The following TRPC3 variants were observed in gnomAD, a reference collection of about 807,000 sequenced individuals.
The protein encoded by TRPC3 is transient receptor potential cation channel subfamily C member 3, also known as short transient receptor potential channel 3.
Under a neutral mutation model 90.9 loss-of-function variants are expected in TRPC3, and 54 were observed. That is an observed-to-expected ratio of 0.59 (90% confidence interval 0.48 to 0.75). The LOEUF is 0.75. TRPC3 is among the 30% of genes least tolerant of loss of function. TRPC3 has a pLI of 0.00. For synonymous variants in TRPC3, 424 were observed against 450.9 expected (o/e 0.94, Z 0.75); for missense variants, 918 against 1,194.5 (o/e 0.77, Z 3.41).
At chr4:121,893,749 G>A (rs1164122785) in intron 10 of TRPC3, among the ~76,000 whole-genome samples, 1 of 152,020 alleles carries the variant, frequency 6.6e-6, no homozygotes, top group Admixed American at 6.6e-5. Flanking sequence ...TAACACAAAG[G>A]CTAATATTGT....
intron 10 of TRPC3, among the ~76,000 whole-genome samples, chr4:121,888,216 C>A (rs981693025): frequency 1.3e-5 from 2 of 152,086 alleles, no homozygotes; most frequent in Non-Finnish European, 2.9e-5. Flanking sequence ...ATATTTGAAT[C>A]TCTGTCTTTG....
intron 10 of TRPC3, among the ~76,000 whole-genome samples, chr4:121,890,756 C>A (rs571651066): frequency 6.6e-6 from 1 of 152,028 alleles, no homozygotes; most frequent in Non-Finnish European, 1.5e-5. Context: ...CTTTGGGAGG[C>A]CGAGATGGGT....
At chr4:121,949,812 G>C (rs1419915190) in intron 1 of TRPC3, among the ~76,000 whole-genome samples, 2 of 152,212 alleles carry the variant, frequency 1.3e-5, no homozygotes, top group Non-Finnish European at 2.9e-5. Context: ...CAGTGAGACA[G>C]CAAGCCTACA....
In TRPC3 at chr4:121,876,644, A is replaced by G. The variant is rs1727770235; in HGVS notation, c.*3092T>C. 6.6e-6 allele frequency among the ~76,000 whole-genome samples: 1 copy of G among 152,222 alleles called. No homozygotes were observed. Among genetic ancestry groups the G allele is most frequent in the Admixed American group, 6.5e-5 (1 of 15,284 alleles). On this transcript the variant is annotated 3_prime_UTR_variant, in exon 12 of 12. Coordinates refer to ENST00000379645, the MANE Select transcript of TRPC3 (RefSeq NM_001130698.2). ...TGTACCAAATTTGCTTTTAATAATC[A>G]CAACATATCATTTTTGTTTTTATTG...
chr4:121,902,034 A>C, intron 9 of TRPC3, among the ~76,000 whole-genome samples: 1 of 152,216 alleles, frequency 6.6e-6, no homozygotes, highest in Non-Finnish European at 1.5e-5. Flanking sequence ...TTTTTCGCCT[A>C]GTTTCAACGA....
In TRPC3 at chr4:121,904,304, G is replaced by T; in HGVS notation, c.2253+18C>A. 1 of 1,591,940 alleles carries T rather than the reference G, an allele frequency of 6.3e-7. No individual in the cohort carries two copies. Among genetic ancestry groups the T allele is most frequent in the Non-Finnish European group, 8.5e-7 (1 of 1,172,640 alleles). ...TAGGATGACAAGGATAGATACTATG[G>T]ATAGAAAACCGATTTACCTCAATTT... On this transcript the variant is annotated intron_variant, in intron 8 of 11. Transcript: ENST00000379645.
intron 6 of TRPC3, among the ~76,000 whole-genome samples, chr4:121,908,890 T>C (rs1009769329): frequency 6.6e-6 from 1 of 152,098 alleles, no homozygotes; most frequent in African/African-American, 2.4e-5. Flanking sequence ...AATTAACATT[T>C]CTTGACTATT....
At chr4:121,922,951 T>C (rs966967236) in intron 3 of TRPC3, among the ~76,000 whole-genome samples, 1 of 152,194 alleles carries the variant, frequency 6.6e-6, no homozygotes, top group East Asian at 1.9e-4. Flanking sequence ...GACTATCTTA[T>C]GAAGTAGAGA....
intron 2 of TRPC3, among the ~76,000 whole-genome samples, chr4:121,926,725 CCT>C (rs958709242): frequency 2.6e-5 from 4 of 152,116 alleles, no homozygotes; most frequent in African/African-American, 9.7e-5. Context: ...TTTTAGAGAA[CCT>C]CTCTCTCTGT....
chr4:121,885,415 A>G (rs1016145199), intron 10 of TRPC3, among the ~76,000 whole-genome samples: 2 of 152,136 alleles, frequency 1.3e-5, no homozygotes, highest in Non-Finnish European at 2.9e-5. Flanking sequence ...TTTCTTTAAC[A>G]CAGTTGAGAC....
chr4:121,909,854 A>G (rs765515884), intron 6 of TRPC3, among the ~76,000 whole-genome samples: 1 of 152,082 alleles, frequency 6.6e-6, no homozygotes, highest in African/African-American at 2.4e-5. Context: ...CAGTCTCCCA[A>G]TAGTAATTAT....
chr4:121,941,025 G>A (rs775957310), intron 1 of TRPC3, among the ~76,000 whole-genome samples: 5 of 152,174 alleles, frequency 3.3e-5, no homozygotes, highest in African/African-American at 4.8e-5. Context: ...TAGAAGATTA[G>A]AGCTCAGAGG....
rs2149161322 is a variant in TRPC3 at position 121,951,536 on chromosome 4, G to T, written c.145C>A (p.Pro49Thr). 6 of 1,412,648 alleles carry T rather than the reference G, an allele frequency of 4.2e-6. No homozygotes were observed. The South Asian group carries it at 6.2e-5, about 15-fold the overall frequency. The allele number at this position is 1,412,648 out of a possible 1,614,324, so 87.5% of individuals were successfully genotyped here. ...GWRGVNGGLE[P>T]RSAPSQREPH... is the part of the protein sequence containing the mutation. ...TCCCGCTGCGAGGGCGCCGAGCGCG[G>T]CTCCAGCCCCCCGTTGACGCCCCTC... is the stretch of plus-strand genomic sequence containing the variant. Residue 49 changes from proline (P) to threonine (T), a missense_variant, in exon 1 of 12, where the codon CCG becomes ACG. Pro to Thr is a conservative substitution (Grantham distance 38, BLOSUM62 -1). Around this residue, in one of 4 missense-constraint regions of TRPC3, gnomAD observed 609 missense variants for 725.9 expected, o/e 0.84. Transcript: ENST00000379645. The surrounding 1 kb of genome is among the most constrained non-coding windows in gnomAD (Gnocchi z 4.4).
At chr4:121,909,832 C>G (rs529402393) in intron 6 of TRPC3, among the ~76,000 whole-genome samples, 1 of 152,034 alleles carries the variant, frequency 6.6e-6, no homozygotes, top group African/African-American at 2.4e-5. Flanking sequence ...ACTATTTTTT[C>G]CCTAATTAAG....
chr4:121,951,640 AC>A lies in TRPC3; in HGVS notation c.40del (p.Val14Ter). 7.1e-7 allele frequency: 1 copy of A among 1,414,736 alleles called. No individual in the cohort carries two copies. The highest frequency in any genetic ancestry group is 9.3e-7 in the Non-Finnish European group (1 of 1,075,452). 87.6% of individuals were successfully genotyped at this position (1,414,736 alleles called of 1,614,324 possible). On this transcript the variant is annotated frameshift_variant, in exon 1 of 12. Transcript: ENST00000379645. LOFTEE classifies it high-confidence loss of function. This position sits in a 1 kb window ranked among gnomAD's most constrained non-coding sequence, Gnocchi z 4.4. ...CTCCTCCTCCGGCGCCGGGAAGGTC[AC>A]CCTTGCTTGTTCTTTGCACTTCCTG... Reference protein sequence around the residue: ...KVRKCKEQARVTFPAPEEEED... With the variant: ...KVRKCKEQARXTFPAPEEEED...
At chr4:121,898,341 G>A (rs1240718490) in intron 10 of TRPC3, among the ~76,000 whole-genome samples, 5 of 152,190 alleles carry the variant, frequency 3.3e-5, no homozygotes, top group Admixed American at 2.0e-4. Flanking sequence ...GCTGGCAAGC[G>A]AGCATTACCG....
intron 1 of TRPC3, among the ~76,000 whole-genome samples, chr4:121,945,220 C>T (rs555896937): frequency 4.6e-5 from 7 of 152,228 alleles, no homozygotes; most frequent in African/African-American, 1.4e-4. Context: ...TTCTTGGTTA[C>T]GTTAAATAAT....
At chr4:121,913,202 AGCT>A (rs2149126800) in intron 4 of TRPC3, among the ~76,000 whole-genome samples, 1 of 152,330 alleles carries the variant, frequency 6.6e-6, no homozygotes, top group East Asian at 1.9e-4. Context: ...GTTGTTACAC[AGCT>A]GCAAAAAGGG....
At chr4:121,940,216 C>G (rs1431262461) in intron 1 of TRPC3, among the ~76,000 whole-genome samples, 1 of 152,174 alleles carries the variant, frequency 6.6e-6, no homozygotes, top group Non-Finnish European at 1.5e-5. Context: ...GTAGAGCAAG[C>G]CTTCCCTCCT....
Sources: gnomAD v4.1 joint callset for allele counts (sites outside exome capture counted in the v4.1 genomes callset) on GRCh38, gnomAD v4.1.1 for gene constraint, gnomAD v4.1.1 regional missense constraint, Gnocchi (gnomAD v3.1) non-coding constraint, MANE v1.5 for transcripts, NCBI Gene and HGNC (gene_info 2026-07-23, HGNC 2026-07-21) for gene names.